The following POLL variants were observed in gnomAD, a reference collection of about 807,000 sequenced individuals.
POLL encodes DNA polymerase lambda.
POLL carries 44 observed loss-of-function variants against 58.1 expected under a neutral mutation model. That is an observed-to-expected ratio of 0.76 (90% CI 0.60 to 0.97). POLL has a LOEUF of 0.97. POLL is among the 50% of genes least tolerant of loss of function. The pLI, the probability that POLL is intolerant of heterozygous loss-of-function variation, is 0.00. For synonymous variants in POLL, 290 were observed against 283.2 expected (o/e 1.02, Z -0.24); for missense variants, 632 against 736.8 (o/e 0.86, Z 1.65).
intron 7 of POLL, chr10:101,581,550 C>G (rs1400490587): frequency 6.6e-6 from 1 of 152,268 alleles, no homozygotes; most frequent in East Asian, 1.9e-4. Flanking sequence ...GGATCCCACT[C>G]TATCAGAATC....
chr10:101,586,649 A>G (rs2063356169), intron 2 of POLL, among the ~76,000 whole-genome samples: 1 of 152,034 alleles, frequency 6.6e-6, no homozygotes, highest in South Asian at 2.1e-4. Flanking sequence ...GTGTGCCACC[A>G]TGCCTGGCTA....
intron 7 of POLL, among the ~76,000 whole-genome samples, 196 bp downstream of exon 7, chr10:101,582,567 T>C (rs1286139150): frequency 6.6e-6 from 1 of 152,118 alleles, no homozygotes; most frequent in African/African-American, 2.4e-5. Context: ...GTTACAGCTC[T>C]TTCCTCCCAA....
At position 101,579,815 on chromosome 10, in the gene POLL, AC is replaced by A; in HGVS notation, c.1365del (p.Phe456SerfsTer7). 6.2e-7 allele frequency: 1 copy of A among 1,611,226 alleles called. No homozygotes were observed. The highest frequency in any genetic ancestry group is 8.5e-7 in the Non-Finnish European group (1 of 1,178,572). ...SRLLDSLRQEGFLTDDLVSQE... is the reference protein window; with the variant it reads ...SRLLDSLRQEXFLTDDLVSQE... ...TGGCTCACCAAGTCATCTGTGAGGAACCCTGGCCCAACAGAGGGGACTGCTG... is the reference window on the plus strand; with the variant it reads ...TGGCTCACCAAGTCATCTGTGAGGAACCTGGCCCAACAGAGGGGACTGCTG... On this transcript the variant is annotated frameshift_variant and splice_region_variant, in exon 9 of 9. Transcript: ENST00000370162. LOFTEE classifies it high-confidence loss of function. The surrounding 1 kb of genome is among the most constrained non-coding windows in gnomAD (Gnocchi z 4.4).
In POLL at chr10:101,587,393, G is replaced by T. The variant is rs374562021; in HGVS notation, c.-33C>A. On this transcript the variant is annotated 5_prime_UTR_variant, in exon 2 of 9. Coordinates refer to ENST00000370162, the MANE Select transcript of POLL (RefSeq NM_001174084.2). ...TGGCTGGATCCCGGCCTATTGGAGC[G>T]TTGGTCAGGGCTGCTGCACGTGGAA... 5.0e-6 allele frequency: 8 copies of T among 1,612,652 alleles called. No individual in the cohort carries two copies. The African/African-American group carries it at 9.4e-5, about 19-fold the overall frequency.
chr10:101,587,444 C>G, intron 1 of POLL, 38 bp from the exon 2 acceptor site: 2 of 1,560,650 alleles, frequency 1.3e-6, no homozygotes, highest in Non-Finnish European at 1.7e-6. Context: ...CCTCCAACCC[C>G]TTTGCCTATG....
At position 101,579,028 on chromosome 10, in the gene POLL, C is replaced by A. The variant is rs909867158; in HGVS notation, c.*425G>T. The A allele has an allele frequency of 9.3e-6, 2 of 215,544 alleles. No individual in the cohort carries two copies. The highest frequency in any genetic ancestry group is 8.5e-5 in the South Asian group (1 of 11,778). 13.4% of individuals were successfully genotyped at this position (215,544 alleles called of 1,614,324 possible). Reference sequence around the variant, plus strand: ...ATGTGGAATGGCTGTTCTCCTACCCCAGAGGGTGCCGGATGATGTTGACAG... The same window carrying A: ...ATGTGGAATGGCTGTTCTCCTACCCAAGAGGGTGCCGGATGATGTTGACAG... On this transcript the variant is annotated 3_prime_UTR_variant, in exon 9 of 9. Transcript: ENST00000370162. This position sits in a 1 kb window ranked among gnomAD's most constrained non-coding sequence, Gnocchi z 4.4.
At chr10:101,587,219 G>A (rs753435744) in intron 2 of POLL, 27 bp downstream of exon 2, 1 of 1,613,702 alleles carries the variant, frequency 6.2e-7, no homozygotes, top group East Asian at 2.2e-5. Context: ...TCAAGCACAC[G>A]AGGGTTCTGA....
rs1340601847 is a variant in POLL, at chr10:101,583,591, T to C, written c.982A>G (p.Ile328Val). Residue 328 changes from isoleucine to valine, a missense_variant, in exon 6 of 9, where the codon ATC becomes GTC. Coordinates refer to ENST00000370162, the MANE Select transcript of POLL (RefSeq NM_001174084.2). ...TCCAAGACAGGCACGCTCTCACTGATATGGTCCAGCTTCCGCAAATGCCCG... is the reference window on the plus strand; with the variant it reads ...TCCAAGACAGGCACGCTCTCACTGACATGGTCCAGCTTCCGCAAATGCCCG... ...ESGHLRKLDH[I>V]SESVPVLELF... 6.2e-7 allele frequency: 1 copy of C among 1,614,134 alleles called. No individual in the cohort carries two copies. The highest frequency in any genetic ancestry group is 8.5e-7 in the Non-Finnish European group (1 of 1,180,028).
intron 5 of POLL, among the ~76,000 whole-genome samples, chr10:101,584,248 C>T (rs147777192): frequency 1.1e-4 from 17 of 151,900 alleles, no homozygotes; most frequent in African/African-American, 3.9e-4. Context: ...AGGGCTGAGC[C>T]GAGGGTAGAT....
chr10:101,585,984 G>T lies in POLL; in HGVS notation c.288C>A (p.Arg96=), dbSNP rs148170530. The change falls in exon 3 of 9, where the codon CGC becomes CGA. Residue 96 remains arginine, a synonymous_variant. Coordinates refer to ENST00000370162, the MANE Select transcript of POLL (RefSeq NM_001174084.2). ...GGGGCAGCTGGGGTAGTCTGAGAAG[G>T]CGGAGGGCTCGCTCATAGTCCATGC... The part of the protein sequence containing the change: ...DEGMDYERAL[R]LLRLPQLPPG... 29 of 1,613,994 alleles carry T rather than the reference G, an allele frequency of 1.8e-5. No individual in the cohort carries two copies. In the African/African-American group the frequency reaches 3.5e-4, roughly 19 times the overall value.
In POLL at chr10:101,579,185, T is replaced by C. The variant is rs2062840375; in HGVS notation, c.*268A>G. 2.1e-6 allele frequency: 1 copy of C among 465,318 alleles called. No homozygotes were observed. The highest frequency in any genetic ancestry group is 3.8e-6 in the Non-Finnish European group (1 of 260,338). 28.8% of individuals were successfully genotyped at this position (465,318 alleles called of 1,614,324 possible). On this transcript the variant is annotated 3_prime_UTR_variant, in exon 9 of 9. Transcript: ENST00000370162. This position sits in a 1 kb window ranked among gnomAD's most constrained non-coding sequence, Gnocchi z 4.4. ...CTGCTTAAAATGGGGCAAGGGGCCA[T>C]TTGCAAAATTCTTCGAGGGGCAGTG...
Position 101,579,121 on chromosome 10 carries a change from G to A in POLL, c.*332C>T. ...GCAGCTTGGCCTTTCCCATAGCAGG[G>A]AAGGGGGATACCTGGGGCTTCAAAC... On this transcript the variant is annotated 3_prime_UTR_variant, in exon 9 of 9. Transcript: ENST00000370162. This position sits in a 1 kb window ranked among gnomAD's most constrained non-coding sequence, Gnocchi z 4.4. 6.0e-6 allele frequency: 2 copies of A among 333,458 alleles called. No individual in the cohort carries two copies. The highest frequency in any genetic ancestry group is 1.1e-5 in the Non-Finnish European group (2 of 179,608). 20.7% of individuals were successfully genotyped at this position (333,458 alleles called of 1,614,324 possible).
At position 101,580,656 on chromosome 10, in the gene POLL, C is replaced by T. The variant is rs905367160; in HGVS notation, c.1195-240G>A. ...CCTGAGGAGAGACGGGAGAAGGTGCCGGCTCTGCTTCTGAGAGTGGGCACT... is the reference window on the plus strand; with the variant it reads ...CCTGAGGAGAGACGGGAGAAGGTGCTGGCTCTGCTTCTGAGAGTGGGCACT... On this transcript the variant is annotated intron_variant, in intron 7 of 8. Transcript: ENST00000370162. This position sits in a 1 kb window ranked among gnomAD's most constrained non-coding sequence, Gnocchi z 4.1. 3.2e-5 allele frequency: 15 copies of T among 462,462 alleles called. No homozygotes were observed. The highest frequency in any genetic ancestry group is 1.5e-4 in the South Asian group (5 of 34,404). The allele number at this position is 462,462 out of a possible 1,614,324, so 28.6% of individuals were successfully genotyped here.
intron 5 of POLL, 116 bp downstream of exon 5, chr10:101,584,486 T>C: frequency 3.3e-6 from 2 of 610,310 alleles, no homozygotes; most frequent in Non-Finnish European, 5.0e-6. Context: ...TTTCCTTTTT[T>C]TTCTTTTGTG....
Position 101,579,324 on chromosome 10 carries a change from G to A in POLL, c.*129C>T. 1 of 1,116,904 alleles carries A rather than the reference G, an allele frequency of 9.0e-7. No individual in the cohort carries two copies. The highest frequency in any genetic ancestry group is 1.3e-6 in the Non-Finnish European group (1 of 791,512). 69.2% of individuals were successfully genotyped at this position (1,116,904 alleles called of 1,614,324 possible). ...CTCTTGCTTCAGGCCCAGAGCCCTG[G>A]GCCCTGCTCGCTGAGGAAGCTGGTG... On this transcript the variant is annotated 3_prime_UTR_variant, in exon 9 of 9. Transcript: ENST00000370162. This position sits in a 1 kb window ranked among gnomAD's most constrained non-coding sequence, Gnocchi z 4.4.
At position 101,584,589 on chromosome 10, in the gene POLL, AG is replaced by A; in HGVS notation, c.891+12del. The A allele has an allele frequency of 6.5e-7, 1 of 1,530,284 alleles. No individual in the cohort carries two copies. The highest frequency in any genetic ancestry group is 8.8e-7 in the Non-Finnish European group (1 of 1,136,956). 94.8% of individuals were successfully genotyped at this position (1,530,284 alleles called of 1,614,324 possible). ...CAGTAAAGACCCCTCCTCCCACTCT[AG>A]CCCCTGGGTACCTGGTACGAGGTGA... is the stretch of plus-strand genomic sequence containing the variant. On this transcript the variant is annotated intron_variant, in intron 5 of 8. Transcript: ENST00000370162.
Position 101,579,337 on chromosome 10 carries a change from G to T in POLL, c.*116C>A. ...CCCAGAGCCCTGGGCCCTGCTCGCT[G>T]AGGAAGCTGGTGGTTGGAGCGGCGA... On this transcript the variant is annotated 3_prime_UTR_variant, in exon 9 of 9. Coordinates refer to ENST00000370162, the MANE Select transcript of POLL (RefSeq NM_001174084.2). This position sits in a 1 kb window ranked among gnomAD's most constrained non-coding sequence, Gnocchi z 4.4. 7.9e-7 allele frequency: 1 copy of T among 1,272,102 alleles called. No individual in the cohort carries two copies. Among genetic ancestry groups the T allele is most frequent in the Non-Finnish European group, 1.1e-6 (1 of 928,278 alleles). 78.8% of individuals were successfully genotyped at this position (1,272,102 alleles called of 1,614,324 possible).
chr10:101,582,863 CTGCGGA>C lies in POLL; in HGVS notation c.1088_1093del (p.Ile363_Arg364del). The C allele has an allele frequency of 6.2e-7, 1 of 1,614,212 alleles. No homozygotes were observed. The highest frequency in any genetic ancestry group is 8.5e-7 in the Non-Finnish European group (1 of 1,180,038). ...CTGCTGGGTTGTCAGGGAGGCCTGG[CTGCGGA>C]TGTCTTCCAGACTTCGGAAGCCCTG... On this transcript the variant is annotated inframe_deletion, in exon 7 of 9. Coordinates refer to ENST00000370162, the MANE Select transcript of POLL (RefSeq NM_001174084.2).
chr10:101,580,034 A>G lies in POLL; in HGVS notation c.1363+214T>C, dbSNP rs760932618. ...AGATCAGATGAGATACTTGGCCTGC[A>G]GGGTTCACTGAGCACCTCCACATAG... is the stretch of plus-strand genomic sequence containing the variant. On this transcript the variant is annotated intron_variant, in intron 8 of 8. Coordinates refer to ENST00000370162, the MANE Select transcript of POLL (RefSeq NM_001174084.2). The surrounding 1 kb of genome is among the most constrained non-coding windows in gnomAD (Gnocchi z 4.1). 4.1e-5 allele frequency: 28 copies of G among 687,948 alleles called. No individual in the cohort carries two copies. The highest frequency in any genetic ancestry group is 6.5e-5 in the Non-Finnish European group (27 of 416,004). The allele number at this position is 687,948 out of a possible 1,614,324, so 42.6% of individuals were successfully genotyped here.
Sources: allele counts gnomAD v4.1 joint callset (sites outside exome capture counted in the v4.1 genomes callset), GRCh38; gene constraint gnomAD v4.1.1; non-coding constraint Gnocchi (gnomAD v3.1); transcripts MANE v1.5; gene names NCBI Gene and HGNC (gene_info 2026-07-23, HGNC 2026-07-21).